GLT8D2: variants seen among roughly 807,000 people sequenced by gnomAD.
GLT8D2 encodes the protein glycosyltransferase 8 domain containing 2.
GLT8D2 carries 45 observed loss-of-function variants against 44.5 expected under a neutral mutation model. That is an observed-to-expected ratio of 1.01 (90% CI 0.80 to 1.30). The LOEUF is 1.30. Ranked by LOEUF, GLT8D2 falls within the 50% of genes most tolerant of loss-of-function variation. The pLI, the probability that GLT8D2 is intolerant of heterozygous loss-of-function variation, is 0.00. For synonymous variants in GLT8D2, 156 were observed against 157.2 expected (o/e 0.99, Z 0.06); for missense variants, 400 against 430.4 (o/e 0.93, Z 0.62).
At chr12:103,996,234 G>A (rs1873400617) in intron 8 of GLT8D2, among the ~76,000 whole-genome samples, 1 of 152,164 alleles carries the variant, frequency 6.6e-6, no homozygotes, top group African/African-American at 2.4e-5. Context: ...TCAGGGTAAG[G>A]AGATCTTTAC....
intron 1 of GLT8D2, among the ~76,000 whole-genome samples, chr12:104,042,882 G>A (rs143682193): frequency 1.3e-5 from 2 of 152,320 alleles, no homozygotes; most frequent in East Asian, 1.9e-4. Flanking sequence ...TGTGGGCTAC[G>A]GGTTGGACAA....
upstream of GLT8D2, among the ~76,000 whole-genome samples, chr12:104,052,744 T>C (rs1037139729): frequency 1.3e-5 from 2 of 149,254 alleles, no homozygotes; most frequent in African/African-American, 4.9e-5. Flanking sequence ...ACCCCCAGCA[T>C]CTTGTACCTT....
In GLT8D2 at chr12:104,032,466, C is replaced by CAAAA. The variant is rs547392677; in HGVS notation, c.-163-10979_-163-10976dup. On this transcript the variant is annotated intron_variant, in intron 1 of 10. Coordinates refer to ENST00000360814, the MANE Select transcript of GLT8D2 (RefSeq NM_001384711.1). ...ATAATAAAGGAGTGATGTGCAATAG[C>CAAAA]AAAAAAAAAAAAAAAAAAAAAAAAA... Among the ~76,000 whole-genome samples, 313 of 59,608 alleles carry CAAAA rather than the reference C, an allele frequency of 5.3e-3. 11 individuals are homozygous for CAAAA. The highest frequency in any genetic ancestry group is 0.023 in the East Asian group (85 of 3,618). The allele number at this position is 59,608 out of a possible 152,430, so 39.1% of individuals were successfully genotyped here. A position where few individuals can be genotyped will look rare whatever the true frequency, so the allele number is the denominator to read the frequency against.
intron 4 of GLT8D2, among the ~76,000 whole-genome samples, chr12:104,010,716 T>C (rs182603749): frequency 6.6e-6 from 1 of 152,334 alleles, no homozygotes; most frequent in Non-Finnish European, 1.5e-5. Flanking sequence ...TGGAAGAATC[T>C]ATTTATGTGT....
At chr12:104,016,870 GAAAGAAAGAAAGAAAAAT>G (rs1455037651) in intron 3 of GLT8D2, among the ~76,000 whole-genome samples, 55 of 147,528 alleles carry the variant, frequency 3.7e-4, no homozygotes, top group Middle Eastern at 3.5e-3. Context: ...AAGAAAGAAA[GAAAGAAAGAAAGAAAAAT>G]AAAGAGAGAA....
intron 1 of GLT8D2, among the ~76,000 whole-genome samples, chr12:104,022,895 C>T (rs1277188697): frequency 6.6e-6 from 1 of 152,070 alleles, no homozygotes. Context: ...TACATAAAGT[C>T]CTTTGCATAA....
rs1159346634 is a variant in GLT8D2 at position 103,989,524 on chromosome 12, G to A, written c.934C>T (p.Leu312Phe). The A allele has an allele frequency of 3.7e-6, 6 of 1,613,466 alleles. No homozygotes were observed. In the Admixed American group the frequency reaches 5.0e-5, roughly 13 times the overall value. The change falls in exon 11 of 11, where the codon CTC (leucine) becomes TTC (phenylalanine). Residue 312 changes from leucine to phenylalanine, a missense_variant. Physicochemically the swap from Leu to Phe is conservative, Grantham distance 22 (BLOSUM62 0). Coordinates refer to ENST00000360814, the MANE Select transcript of GLT8D2 (RefSeq NM_001384711.1). ...GGTTTATGTCTTCCATTCCAGTGGAGTAATTTAGCTTCCTGCAGAAAATGC... is the reference window on the plus strand; with the variant it reads ...GGTTTATGTCTTCCATTCCAGTGGAATAATTTAGCTTCCTGCAGAAAATGC... ...SEHFLQEAKL[L>F]HWNGRHKPWD...
chr12:104,031,258 T>C (rs1342302347), intron 1 of GLT8D2: 3 of 1,600,204 alleles, frequency 1.9e-6, no homozygotes, highest in Non-Finnish European at 2.6e-6. Flanking sequence ...AGGATACTAT[T>C]GCCAGAGCTC....
At chr12:104,026,039 G>A (rs1878524698) in intron 1 of GLT8D2, among the ~76,000 whole-genome samples, 1 of 152,106 alleles carries the variant, frequency 6.6e-6, no homozygotes. Flanking sequence ...AGCACTTTGG[G>A]AGGCTGAGGC....
At chr12:104,042,212 A>C (rs1309656122) in intron 1 of GLT8D2, among the ~76,000 whole-genome samples, 1 of 152,220 alleles carries the variant, frequency 6.6e-6, no homozygotes, top group Non-Finnish European at 1.5e-5. Context: ...GTGGAAATCT[A>C]CTGGGAATAT....
chr12:103,994,159 CT>C, intron 9 of GLT8D2, 175 bp downstream of exon 9: 1 of 490,870 alleles, frequency 2.0e-6, no homozygotes, highest in Non-Finnish European at 3.5e-6. Context: ...TGATTTATAT[CT>C]TTTGAGGAAA....
intron 1 of GLT8D2, among the ~76,000 whole-genome samples, chr12:104,035,968 C>A (rs182996124): frequency 2.9e-4 from 44 of 152,312 alleles, no homozygotes; most frequent in Non-Finnish European, 5.4e-4. Flanking sequence ...AACAGCAGAT[C>A]TCTCAGCAGA....
chr12:104,041,014 C>T (rs1211617431), intron 1 of GLT8D2, among the ~76,000 whole-genome samples: 6 of 152,130 alleles, frequency 3.9e-5, no homozygotes, highest in African/African-American at 1.2e-4. Flanking sequence ...CGCCTGTAAT[C>T]CCAGCACCTT....
At chr12:104,023,216 T>C (rs1878137523) in intron 1 of GLT8D2, among the ~76,000 whole-genome samples, 1 of 152,224 alleles carries the variant, frequency 6.6e-6, no homozygotes, top group Admixed American at 6.5e-5. Context: ...GGTTGATAGA[T>C]GCAGCAAACC....
In GLT8D2 at chr12:104,015,086, G is replaced by A; in HGVS notation, c.39C>T (p.Phe13=). Residue 13 remains phenylalanine (F), a synonymous_variant, in exon 4 of 11, where the codon TTC becomes TTT. Coordinates refer to ENST00000360814, the MANE Select transcript of GLT8D2 (RefSeq NM_001384711.1). The part of the protein sequence containing the change: ...LLRKINQVLL[F]LLIVTLCVIL... ...TCACACAGAGGGTCACGATCAGAAG[G>A]AACAGCAGCACCTGATTAACTGAAA... 1 of 1,613,388 alleles carries A rather than the reference G, an allele frequency of 6.2e-7. No homozygotes were observed. The highest frequency in any genetic ancestry group is 2.2e-5 in the East Asian group (1 of 44,880).
intron 3 of GLT8D2, among the ~76,000 whole-genome samples, chr12:104,017,480 G>A (rs1306972592): frequency 1.3e-5 from 2 of 151,978 alleles, no homozygotes; most frequent in African/African-American, 4.8e-5. Flanking sequence ...CCACCACCAT[G>A]CCTGGCTAAT....
At chr12:104,026,931 C>T (rs1318467821) in intron 1 of GLT8D2, among the ~76,000 whole-genome samples, 4 of 152,160 alleles carry the variant, frequency 2.6e-5, no homozygotes, top group African/African-American at 7.2e-5. Flanking sequence ...GAATAATAAC[C>T]TTTAGAAACT....
intron 1 of GLT8D2, among the ~76,000 whole-genome samples, chr12:104,026,278 CAAAA>C (rs760871849): frequency 3.8e-5 from 3 of 78,834 alleles, no homozygotes; most frequent in African/African-American, 4.4e-5. Context: ...GACTCTGTCT[CAAAA>C]AAAAAAAAAA....
In GLT8D2 at chr12:104,012,610, T is replaced by C; in HGVS notation, c.112+2403A>G. On this transcript the variant is annotated intron_variant, in intron 4 of 10. Transcript: ENST00000360814. The stretch of plus-strand genomic sequence containing the variant: ...AAGAGTGGAGTCAGTTCAGATGACA[T>C]TTGTCTTTATGTGACTTCCTTCTCT... 4.4e-6 allele frequency: 2 copies of C among 457,958 alleles called. 1 individual carries two copies. The highest frequency in any genetic ancestry group is 8.5e-5 in the Admixed American group (2 of 23,510). 28.4% of individuals were successfully genotyped at this position (457,958 alleles called of 1,614,324 possible).
Sources: gnomAD v4.1 joint callset for allele counts (sites outside exome capture counted in the v4.1 genomes callset) on GRCh38, gnomAD v4.1.1 for gene constraint, MANE v1.5 for transcripts, NCBI Gene and HGNC (gene_info 2026-07-23, HGNC 2026-07-21) for gene names.